SAMHD1: variants seen among roughly 807,000 people sequenced by gnomAD.
SAMHD1 encodes deoxynucleoside triphosphate triphosphohydrolase SAMHD1.
A neutral mutation model predicts 79.6 loss-of-function variants in SAMHD1; 54 were observed. That is an observed-to-expected ratio of 0.68 (90% CI 0.55 to 0.85). SAMHD1 has a LOEUF of 0.85. SAMHD1 is among the 40% of genes least tolerant of loss of function. The pLI is 0.00. For synonymous variants in SAMHD1, 260 were observed against 264.1 expected, an observed-to-expected ratio of 0.98 and a Z score of 0.15; for missense variants, 663 against 782.7, an observed-to-expected ratio of 0.85 and a Z score of 1.82.
At position 36,897,974 on chromosome 20, in the gene SAMHD1, G is replaced by A; in HGVS notation, c.1609-15C>T. ...AGTTGTGAAACCTTTTTAAAATGAAGAGATTTCACTATCACCTTGAAGTCA... is the reference window on the plus strand; with the variant it reads ...AGTTGTGAAACCTTTTTAAAATGAAAAGATTTCACTATCACCTTGAAGTCA... On this transcript the variant is annotated splice_polypyrimidine_tract_variant and intron_variant, in intron 14 of 15. Coordinates refer to ENST00000646673, the MANE Select transcript of SAMHD1 (RefSeq NM_015474.4). The A allele has an allele frequency of 6.2e-7, 1 of 1,613,918 alleles. No homozygotes were observed. The highest frequency in any genetic ancestry group is 8.5e-7 in the Non-Finnish European group (1 of 1,180,018).
chr20:36,932,712 C>T (rs919979847), intron 4 of SAMHD1, among the ~76,000 whole-genome samples: 19 of 150,970 alleles, frequency 1.3e-4, no homozygotes, highest in African/African-American at 4.2e-4. Flanking sequence ...CCACTGCACC[C>T]GGCAAGTTTG....
Position 36,898,174 on chromosome 20 carries a change from G to A in SAMHD1, c.1609-215C>T, listed in dbSNP as rs2342111. On this transcript the variant is annotated intron_variant, in intron 14 of 15. Transcript: ENST00000646673. ...AGCCTCCTAAGTAGTTGGAACTACAGGCATGAGCTACCATGCCTAAGTTTT... is the reference window on the plus strand; with the variant it reads ...AGCCTCCTAAGTAGTTGGAACTACAAGCATGAGCTACCATGCCTAAGTTTT... Among the ~76,000 whole-genome samples, 31,917 of 151,976 alleles carry A rather than the reference G, an allele frequency of 0.21. 3,865 individuals are homozygous for A. The highest frequency in any genetic ancestry group is 0.33 in the African/African-American group (13,501 of 41,406).
chr20:36,909,609 T>C (rs1056191999), intron 11 of SAMHD1, among the ~76,000 whole-genome samples: 3 of 146,532 alleles, frequency 2.0e-5, no homozygotes, highest in Admixed American at 7.0e-5. Flanking sequence ...AGGCGGAGGT[T>C]GCAGTGAGCC....
At chr20:36,906,228 A>G (rs1216770533) in intron 11 of SAMHD1, among the ~76,000 whole-genome samples, 1 of 152,228 alleles carries the variant, frequency 6.6e-6, no homozygotes, top group Non-Finnish European at 1.5e-5. Flanking sequence ...ACCTGAGGTC[A>G]GGAGCTTGAG....
At chr20:36,912,666 A>T (rs939472686) in intron 9 of SAMHD1, 114 bp from the exon 10 acceptor site, 1 of 737,058 alleles carries the variant, frequency 1.4e-6, no homozygotes, top group Non-Finnish European at 2.4e-6. Context: ...AGGGCTATGC[A>T]CCGGGGCTTC....
chr20:36,951,328 G>T, intron 1 of SAMHD1, 108 bp downstream of exon 1: 1 of 1,512,670 alleles, frequency 6.6e-7, no homozygotes. Context: ...TCCCGCCGCA[G>T]GGCTCGCTCC....
In SAMHD1 at chr20:36,912,527, A is replaced by G. The variant is rs750396747; in HGVS notation, c.1088T>C (p.Phe363Ser). 6.2e-7 allele frequency: 1 copy of G among 1,613,032 alleles called. No homozygotes were observed. The highest frequency in any genetic ancestry group is 1.1e-5 in the South Asian group (1 of 91,052). ...ACGGTGTAAAGAGTTGCGAGTGTGG[A>G]ACATGTCATACAGATTTCCAACTTC... ...DKEVGNLYDM[F>S]HTRNSLHRRA... The change falls in exon 10 of 16, where the codon TTC (phenylalanine) becomes TCC (serine). Residue 363 changes from phenylalanine to serine, a missense_variant. Transcript: ENST00000646673.
chr20:36,896,188 A>G (rs999742073), intron 15 of SAMHD1, among the ~76,000 whole-genome samples: 2 of 151,702 alleles, frequency 1.3e-5, no homozygotes, highest in African/African-American at 2.4e-5. Context: ...TAGCCAGGAT[A>G]GTCTTGATCT....
intron 1 of SAMHD1, 116 bp from the exon 2 acceptor site, chr20:36,946,920 T>C (rs2063690596): frequency 2.7e-6 from 2 of 751,294 alleles, no homozygotes; most frequent in South Asian, 3.1e-5. Context: ...CTGCAGGCAA[T>C]GGATTGTGCC....
chr20:36,921,583 G>C (rs1279175102), intron 6 of SAMHD1, among the ~76,000 whole-genome samples: 8 of 151,450 alleles, frequency 5.3e-5, no homozygotes, highest in African/African-American at 1.5e-4. Flanking sequence ...ATGCATCACT[G>C]ATTTTTTTGG....
At chr20:36,926,248 T>TA (rs759833660) in intron 6 of SAMHD1, among the ~76,000 whole-genome samples, 44 of 151,668 alleles carry the variant, frequency 2.9e-4, no homozygotes, top group African/African-American at 8.5e-4. Flanking sequence ...ACGTAGGCGA[T>TA]AAAAAAAAGG....
At chr20:36,923,865 TAGAG>T (rs2063520956) in intron 6 of SAMHD1, among the ~76,000 whole-genome samples, 1 of 152,248 alleles carries the variant, frequency 6.6e-6, no homozygotes, top group East Asian at 1.9e-4. Context: ...ATATTTAATA[TAGAG>T]AGTTTATTTG....
intron 6 of SAMHD1, 145 bp downstream of exon 6, chr20:36,927,037 T>C (rs770841408): frequency 1.5e-4 from 100 of 670,820 alleles, no homozygotes; most frequent in Non-Finnish European, 2.4e-4. Flanking sequence ...AAAGCATATA[T>C]ATATATATGT....
chr20:36,898,599 G>C, intron 13 of SAMHD1, 55 bp from the exon 14 acceptor site: 1 of 1,336,868 alleles, frequency 7.5e-7, no homozygotes, highest in Non-Finnish European at 1.1e-6. Flanking sequence ...ACTGAACTCA[G>C]GGCTGTAGGA....
chr20:36,912,772 TTTTTTA>T (rs1355446448), intron 9 of SAMHD1, among the ~76,000 whole-genome samples: 2 of 123,546 alleles, frequency 1.6e-5, no homozygotes, highest in South Asian at 2.4e-4. Context: ...TTTTTTTTTT[TTTTTTA>T]AAAGATGAGG....
At chr20:36,900,072 T>C (rs1291145) in intron 13 of SAMHD1, among the ~76,000 whole-genome samples, 83,786 of 145,722 alleles carry the variant, frequency 0.57, 25,412 homozygotes, top group South Asian at 0.74. Context: ...CCAACCTGGG[T>C]GACACAGTGA....
intron 15 of SAMHD1, chr20:36,893,579 C>T: frequency 3.4e-6 from 1 of 297,068 alleles, no homozygotes; most frequent in Non-Finnish European, 6.2e-6. Context: ...AGCTCCTCCA[C>T]CCAAAATAAG....
rs1161667611 is a variant in SAMHD1, at chr20:36,899,321, G to A, written c.1504-777C>T. Among the ~76,000 whole-genome samples the A allele has an allele frequency of 5.3e-5, 8 of 151,502 alleles. No individual in the cohort carries two copies. The South Asian group carries it at 8.3e-4, about 16-fold the overall frequency. ...TGTGCACCTGTGGTTCAAGCTACTC[G>A]GGAGGCTGAGGCACAAGAATTGGTT... On this transcript the variant is annotated intron_variant, in intron 13 of 15. Transcript: ENST00000646673.
At chr20:36,915,409 A>T (rs1046413394) in intron 9 of SAMHD1, among the ~76,000 whole-genome samples, 4 of 152,214 alleles carry the variant, frequency 2.6e-5, no homozygotes, top group African/African-American at 7.2e-5. Flanking sequence ...TCTGGTCAAC[A>T]GAAGGCTATT....
Sources: gnomAD v4.1 joint callset for allele counts (sites outside exome capture counted in the v4.1 genomes callset) on GRCh38, gnomAD v4.1.1 for gene constraint, MANE v1.5 for transcripts, NCBI Gene and HGNC (gene_info 2026-07-23, HGNC 2026-07-21) for gene names.